The following IPO8 variants were observed in gnomAD, a reference collection of about 807,000 sequenced individuals.
IPO8 encodes importin-8.
IPO8 carries 65 observed loss-of-function variants against 141.2 expected under a neutral mutation model. The observed-to-expected ratio is 0.46, with a 90% confidence interval of 0.38 to 0.57. The LOEUF (loss-of-function observed/expected upper bound fraction) is 0.57. Ranked by LOEUF, IPO8 falls within the 20% of genes least tolerant of loss-of-function variation. The pLI, the probability that IPO8 is intolerant of heterozygous loss-of-function variation, is 0.00. For missense variants in IPO8, 980 were observed against 1,246.8 expected (o/e 0.79, Z 3.22); for synonymous variants, 411 against 420.3 (o/e 0.98, Z 0.27).
chr12:30,635,383 C>T (rs921239101), intron 22 of IPO8, among the ~76,000 whole-genome samples: 24 of 151,816 alleles, frequency 1.6e-4, no homozygotes, highest in Non-Finnish European at 1.5e-4. Context: ...TTAATCATTC[C>T]GCATTATATT....
intron 20 of IPO8, among the ~76,000 whole-genome samples, chr12:30,640,523 A>G (rs1428423095): frequency 1.3e-5 from 2 of 152,204 alleles, no homozygotes; most frequent in African/African-American, 2.4e-5. Context: ...ATGACTACAC[A>G]TACTTTTAAG....
Position 30,630,762 on chromosome 12 carries a change from G to A in IPO8, c.*98C>T. ...AGATGGTAACTGGCACAGCAGGAGG[G>A]CCCTAAAAGCAGCCCCTCATTTCAT... On this transcript the variant is annotated 3_prime_UTR_variant, in exon 25 of 25. Coordinates refer to ENST00000256079, the MANE Select transcript of IPO8 (RefSeq NM_006390.4). 2 of 876,824 alleles carry A rather than the reference G, an allele frequency of 2.3e-6. No homozygotes were observed. Among genetic ancestry groups the A allele is most frequent in the Non-Finnish European group, 3.7e-6 (2 of 545,180 alleles). The allele number at this position is 876,824 out of a possible 1,614,324, so 54.3% of individuals were successfully genotyped here. A position where few individuals can be genotyped will look rare whatever the true frequency, so the allele number is the denominator to read the frequency against.
At chr12:30,640,940 C>T (rs1317226242) in intron 20 of IPO8, among the ~76,000 whole-genome samples, 1 of 152,058 alleles carries the variant, frequency 6.6e-6, no homozygotes, top group Admixed American at 6.5e-5. Context: ...CACATTGTAT[C>T]AAAACATCAC....
chr12:30,689,401 A>G (rs2136176070), intron 2 of IPO8, among the ~76,000 whole-genome samples: 1 of 152,316 alleles, frequency 6.6e-6, no homozygotes, highest in South Asian at 2.1e-4. Flanking sequence ...TATAAAACAA[A>G]GATGAAACAA....
chr12:30,641,611 T>A (rs2052576445), intron 20 of IPO8, among the ~76,000 whole-genome samples: 1 of 150,170 alleles, frequency 6.7e-6, no homozygotes, highest in Non-Finnish European at 1.5e-5. Flanking sequence ...ATCAACCAAA[T>A]GAGGATTATT....
chr12:30,641,390 T>C (rs1224597554), intron 20 of IPO8, among the ~76,000 whole-genome samples: 2 of 151,954 alleles, frequency 1.3e-5, no homozygotes, highest in Non-Finnish European at 2.9e-5. Flanking sequence ...GGTAGAGGGA[T>C]AGGGTGGAAG....
intron 20 of IPO8, among the ~76,000 whole-genome samples, chr12:30,641,709 TA>T (rs150515638): frequency 2.6e-5 from 4 of 151,698 alleles, no homozygotes; most frequent in South Asian, 2.1e-4. Context: ...AAAGAGCTAC[TA>T]AAAAAAACAA....
intron 20 of IPO8, 148 bp from the exon 21 acceptor site, chr12:30,639,883 A>G (rs1267184328): frequency 1.6e-6 from 1 of 624,096 alleles, no homozygotes; most frequent in Non-Finnish European, 2.8e-6. Flanking sequence ...TATTTAAAAG[A>G]TTTATATTAT....
chr12:30,680,647 G>A lies in IPO8; in HGVS notation c.483-9C>T. 6.3e-7 allele frequency: 1 copy of A among 1,590,734 alleles called. No homozygotes were observed. The highest frequency in any genetic ancestry group is 8.5e-7 in the Non-Finnish European group (1 of 1,172,460). ...CTTCTGCTTTCTTATATCTACATGA[G>A]CAAAGACAAAAACAGAAAAGTAATT... is the stretch of plus-strand genomic sequence containing the variant. On this transcript the variant is annotated splice_polypyrimidine_tract_variant and intron_variant, in intron 4 of 24. Transcript: ENST00000256079.
In IPO8 at chr12:30,677,064, T is replaced by G; in HGVS notation, c.640-477A>C. On this transcript the variant is annotated intron_variant, in intron 5 of 24. Transcript: ENST00000256079. ...GGCTCACCTCTGCTGTACTGTGAGT[T>G]GCAGAAGACGGATATTGCCTCCACA... The G allele has an allele frequency of 2.0e-6, 3 of 1,521,888 alleles. No homozygotes were observed. In the South Asian group the frequency reaches 3.6e-5, roughly 18 times the overall value. 94.3% of individuals were successfully genotyped at this position (1,521,888 alleles called of 1,614,324 possible).
intron 20 of IPO8, among the ~76,000 whole-genome samples, chr12:30,641,851 G>C (rs2052578979): frequency 6.6e-6 from 1 of 152,130 alleles, no homozygotes; most frequent in Non-Finnish European, 1.5e-5. Flanking sequence ...ATATAGAACA[G>C]AATCGAGTAG....
At chr12:30,665,938 C>A in intron 11 of IPO8, 93 bp from the exon 12 acceptor site, 2 of 826,858 alleles carry the variant, frequency 2.4e-6, no homozygotes, top group East Asian at 2.5e-5. Flanking sequence ...AAAATAAAGC[C>A]ATTTTATTAT....
At chr12:30,681,456 T>A (rs2053187648) in intron 4 of IPO8, among the ~76,000 whole-genome samples, 1 of 152,206 alleles carries the variant, frequency 6.6e-6, no homozygotes, top group African/African-American at 2.4e-5. Flanking sequence ...TATCACTGTC[T>A]CAGAGGTTAG....
Position 30,639,524 on chromosome 12 carries a change from C to T in IPO8, c.2480G>A (p.Cys827Tyr), listed in dbSNP as rs200975958. 295 of 1,609,386 alleles carry T rather than the reference C, an allele frequency of 1.8e-4. No homozygotes were observed. The highest frequency in any genetic ancestry group is 2.3e-4 in the Non-Finnish European group (272 of 1,175,958). Reference protein sequence around the residue: ...FINQWMNDTDCFLGHHDRKMC... With the variant: ...FINQWMNDTDYFLGHHDRKMC... ...TCCAAAAGACACATACCCAAGAAAA[C>T]AATCTGTATCATTCATCCATTGATT... The change falls in exon 21 of 25, where the codon TGT becomes TAT. Residue 827 changes from cysteine to tyrosine, a missense_variant. This residue lies in a region of IPO8 where 924 missense variants were observed against 1,153.9 expected (regional missense o/e 0.80). Transcript: ENST00000256079.
intron 20 of IPO8, among the ~76,000 whole-genome samples, chr12:30,643,541 G>A (rs1252352312): frequency 6.6e-6 from 1 of 152,194 alleles, no homozygotes; most frequent in Admixed American, 6.5e-5. Flanking sequence ...CAGGTTTTGG[G>A]AGGTGGGGCC....
chr12:30,662,336 G>A lies in IPO8; in HGVS notation c.1746C>T (p.Thr582=), dbSNP rs1211430048. 1.2e-6 allele frequency: 2 copies of A among 1,612,978 alleles called. No individual in the cohort carries two copies. The highest frequency in any genetic ancestry group is 2.2e-5 in the East Asian group (1 of 44,840). Residue 582 remains threonine (T), a synonymous_variant, in exon 15 of 25, where the codon ACC becomes ACT. Coordinates refer to ENST00000256079, the MANE Select transcript of IPO8 (RefSeq NM_006390.4). ...QEVASIAVDM[T]QHLAEIFGKV... ...AACTGCCCGGTCTTACCAAGTGTTG[G>A]GTCATATCAACAGCAATTGAGGCTA...
At chr12:30,662,273 T>C (rs2052898507) in intron 15 of IPO8, 54 bp downstream of exon 15, 4 of 1,444,822 alleles carry the variant, frequency 2.8e-6, no homozygotes, top group Non-Finnish European at 3.8e-6. Flanking sequence ...TTGGAGTTTA[T>C]TTAGATTACT....
chr12:30,674,107 G>A (rs376459578), intron 7 of IPO8, 33 bp from the exon 8 acceptor site: 637 of 1,321,758 alleles, frequency 4.8e-4, no homozygotes, highest in African/African-American at 8.9e-4. Flanking sequence ...TACAAATACC[G>A]TGAATTTTAC....
chr12:30,684,061 T>A (rs896067042), intron 3 of IPO8, among the ~76,000 whole-genome samples: 7 of 152,206 alleles, frequency 4.6e-5, no homozygotes, highest in African/African-American at 1.4e-4. Context: ...TCATTTTTTT[T>A]AAATCTTACC....
Sources: gnomAD v4.1 joint callset for allele counts (sites outside exome capture counted in the v4.1 genomes callset) on GRCh38, gnomAD v4.1.1 for gene constraint, gnomAD v4.1.1 regional missense constraint, MANE v1.5 for transcripts, NCBI Gene and HGNC (gene_info 2026-07-23, HGNC 2026-07-21) for gene names.